Variants in PRAM1 observed in about 807,000 individuals in gnomAD.
PRAM1 encodes the protein PML-RARA-regulated adapter molecule 1.
In PRAM1, 41 loss-of-function variants were observed where a neutral mutation model predicts 55.3. The observed-to-expected ratio is 0.74, with a 90% CI of 0.58 to 0.96. The LOEUF is 0.96. PRAM1 is among the 40% of genes least tolerant of loss of function. PRAM1 has a pLI of 0.00. For missense variants in PRAM1, 898 were observed against 892.7 expected (o/e 1.01, Z -0.08); for synonymous variants, 401 against 387.1 (o/e 1.04, Z -0.42).
Position 8,490,406 on chromosome 19 carries a change from C to A in PRAM1, c.1941-34G>T, listed in dbSNP as rs779868887. 8 of 1,613,704 alleles carry A rather than the reference C, an allele frequency of 5.0e-6. No homozygotes were observed. Among genetic ancestry groups the A allele is most frequent in the Non-Finnish European group, 6.8e-6 (8 of 1,179,838 alleles). The stretch of plus-strand genomic sequence containing the variant: ...GCACAGTTGGGTCAGCAAGGGGCAC[C>A]GTGGCCCATTCCCCCCACCCTGCAC... On this transcript the variant is annotated intron_variant, in intron 8 of 9. Coordinates refer to ENST00000423345, the MANE Select transcript of PRAM1 (RefSeq NM_032152.5). The surrounding 1 kb of genome is among the most constrained non-coding windows in gnomAD (Gnocchi z 7.3).
intron 4 of PRAM1, among the ~76,000 whole-genome samples, chr19:8,495,550 A>T (rs1335466317): frequency 6.6e-6 from 1 of 152,124 alleles, no homozygotes; most frequent in African/African-American, 2.4e-5. Flanking sequence ...AGCCTTGTGC[A>T]TCTGTAAAAT....
chr19:8,491,175 TCCGA>T lies in PRAM1; in HGVS notation c.1577-22_1577-19del. 6.2e-7 allele frequency: 1 copy of T among 1,607,100 alleles called. No homozygotes were observed. Among genetic ancestry groups the T allele is most frequent in the Non-Finnish European group, 8.5e-7 (1 of 1,178,660 alleles). ...CGCTTCATCTGGGGACAGTCAGGAC[TCCGA>T]GTCAAGGCAGGGCCCGCCGGCTCAG... On this transcript the variant is annotated intron_variant, in intron 4 of 9. Transcript: ENST00000423345.
Position 8,499,394 on chromosome 19 carries a change from C to T in PRAM1, c.414G>A (p.Pro138=). 1.9e-6 allele frequency: 3 copies of T among 1,612,742 alleles called. No individual in the cohort carries two copies. The highest frequency in any genetic ancestry group is 2.5e-6 in the Non-Finnish European group (3 of 1,179,804). Reference sequence around the variant, plus strand: ...CAGGCTGCAGGGGCTTCCTTGGAAACGGAGTGGCCCCCAGCTGTGGGAACT... The same window carrying T: ...CAGGCTGCAGGGGCTTCCTTGGAAATGGAGTGGCCCCCAGCTGTGGGAACT... ...SKKFPQLGAT[P]FPRKPLQPEV... The change falls in exon 2 of 10, where the codon CCG becomes CCA. Residue 138 remains proline (P), a synonymous_variant. Coordinates refer to ENST00000423345, the MANE Select transcript of PRAM1 (RefSeq NM_032152.5).
rs555641768 is a variant in PRAM1 at position 8,497,900 on chromosome 19, C to T, written c.1500-60G>A. The T allele has an allele frequency of 5.3e-4, 428 of 800,268 alleles. 3 individuals carry two copies. The highest frequency in any genetic ancestry group is 6.6e-4 in the Non-Finnish European group (400 of 603,244). The allele number at this position is 800,268 out of a possible 1,614,324, so 49.6% of individuals were successfully genotyped here. On this transcript the variant is annotated intron_variant, in intron 3 of 9. Coordinates refer to ENST00000423345, the MANE Select transcript of PRAM1 (RefSeq NM_032152.5). Reference sequence around the variant, plus strand: ...TTTTTTTTTTTTTTTTTTTTTGAGACGGAGTTTTTCTCTGTTGCCCAGGCT... The same window carrying T: ...TTTTTTTTTTTTTTTTTTTTTGAGATGGAGTTTTTCTCTGTTGCCCAGGCT...
rs1212372938 is a variant in PRAM1 at position 8,493,693 on chromosome 19, A to C, written c.1577-2536T>G. Among the ~76,000 whole-genome samples, 1 of 152,224 alleles carries C rather than the reference A, an allele frequency of 6.6e-6. No individual in the cohort carries two copies. The highest frequency in any genetic ancestry group is 2.4e-5 in the African/African-American group (1 of 41,458). ...CAGACAGTGGGAAAGGGGAGTCCAGAGTCCTGGCCCCAAGAGACCTAAGCT... is the reference window on the plus strand; with the variant it reads ...CAGACAGTGGGAAAGGGGAGTCCAGCGTCCTGGCCCCAAGAGACCTAAGCT... On this transcript the variant is annotated intron_variant, in intron 4 of 9. Coordinates refer to ENST00000423345, the MANE Select transcript of PRAM1 (RefSeq NM_032152.5). The surrounding 1 kb of genome is among the most constrained non-coding windows in gnomAD (Gnocchi z 4.1).
At position 8,497,789 on chromosome 19, in the gene PRAM1, G is replaced by A; in HGVS notation, c.1551C>T (p.Asp517=). The change falls in exon 4 of 10, where the codon GAC becomes GAT. Residue 517 remains aspartate, a synonymous_variant. Transcript: ENST00000423345. Reference sequence around the variant, plus strand: ...CTCTGCCCTTGGGGCTGGGGCTGGAGTCATCTCTGGGTTCCACATCGTCAT... The same window carrying A: ...CTCTGCCCTTGGGGCTGGGGCTGGAATCATCTCTGGGTTCCACATCGTCAT... ...ELYDDVEPRD[D]SSPSPKGRDE... is the part of the protein sequence containing the mutation. 1 of 1,611,206 alleles carries A rather than the reference G, an allele frequency of 6.2e-7. No homozygotes were observed. Among genetic ancestry groups the A allele is most frequent in the Admixed American group, 1.7e-5 (1 of 59,494 alleles).
rs1415161565 is a variant in PRAM1 at position 8,498,839 on chromosome 19, C to A, written c.969G>T (p.Gln323His). ...TCCTGGGGAGGCCGCCCAGCTCGGG[C>A]TGCGGGGGCTTCTTGGAGAGCGCTT... ...EFKALSKKPP[Q>H]PELGGLPRTS... The change falls in exon 2 of 10, where the codon CAG becomes CAT. Residue 323 changes from glutamine to histidine, a missense_variant. Physicochemically the swap from Gln to His is conservative, Grantham distance 24 (BLOSUM62 0). Around this residue, in one of 4 missense-constraint regions of PRAM1, gnomAD observed 787 missense variants for 735.4 expected, o/e 1.07. Coordinates refer to ENST00000423345, the MANE Select transcript of PRAM1 (RefSeq NM_032152.5). The A allele has an allele frequency of 6.2e-7, 1 of 1,603,146 alleles. No homozygotes were observed. Among genetic ancestry groups the A allele is most frequent in the Admixed American group, 1.7e-5 (1 of 57,802 alleles).
chr19:8,495,585 G>A (rs1254010468), intron 4 of PRAM1, among the ~76,000 whole-genome samples: 1 of 152,212 alleles, frequency 6.6e-6, no homozygotes, highest in Admixed American at 6.5e-5. Context: ...TTACTGCCCT[G>A]TGGGGATTTG....
intron 4 of PRAM1, 25 bp downstream of exon 4, chr19:8,497,739 G>C: frequency 6.3e-7 from 1 of 1,579,704 alleles, no homozygotes; most frequent in Non-Finnish European, 8.6e-7. Flanking sequence ...TGTTTTGCAG[G>C]GACTCGGGCA....
chr19:8,490,185 G>T lies in PRAM1; in HGVS notation c.*4C>A. On this transcript the variant is annotated 3_prime_UTR_variant, in exon 10 of 10. Coordinates refer to ENST00000423345, the MANE Select transcript of PRAM1 (RefSeq NM_032152.5). This position sits in a 1 kb window ranked among gnomAD's most constrained non-coding sequence, Gnocchi z 7.3. ...TGGCTGTCCTGGCCCCACGCCTACCGGTCTTACCGTCCCAGGGGGAGTGGT... is the reference window on the plus strand; with the variant it reads ...TGGCTGTCCTGGCCCCACGCCTACCTGTCTTACCGTCCCAGGGGGAGTGGT... The T allele has an allele frequency of 6.4e-7, 1 of 1,574,102 alleles. No homozygotes were observed. The highest frequency in any genetic ancestry group is 1.2e-5 in the South Asian group (1 of 83,960).
At chr19:8,492,828 C>G (rs1439210100) in intron 4 of PRAM1, among the ~76,000 whole-genome samples, 1 of 151,914 alleles carries the variant, frequency 6.6e-6, no homozygotes, top group African/African-American at 2.4e-5. Flanking sequence ...GAAACCCTGT[C>G]TCTACTAAAA....
Position 8,498,314 on chromosome 19 carries a change from G to A in PRAM1, c.1433-25C>T, listed in dbSNP as rs761951647. 3.7e-6 allele frequency: 6 copies of A among 1,606,906 alleles called. No individual in the cohort carries two copies. The African/African-American group carries it at 6.7e-5, about 18-fold the overall frequency. The stretch of plus-strand genomic sequence containing the variant: ...TCTGTGGGGTAGAGAGTAGGGCAGG[G>A]AAGCCGGCACTGCCTGGGACCTCAG... On this transcript the variant is annotated intron_variant, in intron 2 of 9. Coordinates refer to ENST00000423345, the MANE Select transcript of PRAM1 (RefSeq NM_032152.5).
At position 8,499,107 on chromosome 19, in the gene PRAM1, C is replaced by T. The variant is rs752084200; in HGVS notation, c.701G>A (p.Gly234Asp). ...YPKKPPQPQVGGLPKKSVPQP... is the reference protein window; with the variant it reads ...YPKKPPQPQVDGLPKKSVPQP... ...CGGCACGGACTTCTTAGGGAGGCCACCGACCTGAGGCTGCGGAGGCTTTTT... is the reference window on the plus strand; with the variant it reads ...CGGCACGGACTTCTTAGGGAGGCCATCGACCTGAGGCTGCGGAGGCTTTTT... The change falls in exon 2 of 10, where the codon GGT becomes GAT. Residue 234 changes from glycine (G) to aspartate (D), a missense_variant. This residue lies in a region of PRAM1 where 787 missense variants were observed against 735.4 expected (regional missense o/e 1.07). Coordinates refer to ENST00000423345, the MANE Select transcript of PRAM1 (RefSeq NM_032152.5). 14 of 1,613,312 alleles carry T rather than the reference C, an allele frequency of 8.7e-6. No homozygotes were observed. The highest frequency in any genetic ancestry group is 1.7e-5 in the Admixed American group (1 of 59,940).
Position 8,490,792 on chromosome 19 carries a change from GCC to G in PRAM1, c.1744-38_1744-37del. ...AGATGTTAGGGCCTCTGCTTGTGCT[GCC>G]GCCCTTGGGCCCCTGTCTTCTTTCT... On this transcript the variant is annotated intron_variant, in intron 6 of 9. Transcript: ENST00000423345. The surrounding 1 kb of genome is among the most constrained non-coding windows in gnomAD (Gnocchi z 7.3). 1 of 1,606,342 alleles carries G rather than the reference GCC, an allele frequency of 6.2e-7. No individual in the cohort carries two copies. Among genetic ancestry groups the G allele is most frequent in the Non-Finnish European group, 8.5e-7 (1 of 1,178,796 alleles).
At chr19:8,491,018 T>C (rs1462141518) in intron 5 of PRAM1, 23 bp from the exon 6 acceptor site, 1 of 1,612,962 alleles carries the variant, frequency 6.2e-7, no homozygotes, top group Non-Finnish European at 8.5e-7. Flanking sequence ...ACCAAGGAAT[T>C]GTGTGCTCGT....
At position 8,499,438 on chromosome 19, in the gene PRAM1, A is replaced by G. The variant is rs770419761; in HGVS notation, c.370T>C (p.Leu124=). Residue 124 remains leucine, a synonymous_variant, in exon 2 of 10, where the codon TTG becomes CTG. Transcript: ENST00000423345. The part of the protein sequence containing the change: ...DLPKKPSKLE[L]SDLSKKFPQL... ...GGGAACTTCTTGGAGAGGTCACTCA[A>G]CTCCAGTTTGGACGGCTTCTTGGGG... 6.3e-7 allele frequency: 1 copy of G among 1,592,684 alleles called. No individual in the cohort carries two copies. Among genetic ancestry groups the G allele is most frequent in the South Asian group, 1.1e-5 (1 of 90,502 alleles).
Position 8,498,934 on chromosome 19 carries a change from C to T in PRAM1, c.874G>A (p.Asp292Asn). ...PKKPPQPELG[D>N]LTRTSSEPEV... ...GGCTCTGAGGAGGTCCTGGTGAGGT[C>T]CCCAAGCTCAGGCTGCGGAGGCTTC... Residue 292 changes from aspartate (D) to asparagine (N), a missense_variant, in exon 2 of 10, where the codon GAC (aspartate) becomes AAC (asparagine). Physicochemically the swap from Asp to Asn is conservative, Grantham distance 23. Coordinates refer to ENST00000423345, the MANE Select transcript of PRAM1 (RefSeq NM_032152.5). 1 of 1,613,780 alleles carries T rather than the reference C, an allele frequency of 6.2e-7. No individual in the cohort carries two copies.
chr19:8,494,635 T>C (rs1331094016), intron 4 of PRAM1, among the ~76,000 whole-genome samples: 2 of 95,172 alleles, frequency 2.1e-5, no homozygotes, highest in South Asian at 4.2e-4. Context: ...TATTTTTTTT[T>C]CTTTTTTTTT....
intron 4 of PRAM1, chr19:8,491,474 C>A (rs1971628659): frequency 6.5e-6 from 3 of 461,918 alleles, no homozygotes; most frequent in African/African-American, 6.0e-5. Flanking sequence ...CTCAGGCAAT[C>A]CACTCGCCTC....
Sources: allele counts gnomAD v4.1 joint callset (sites outside exome capture counted in the v4.1 genomes callset), GRCh38; gene constraint gnomAD v4.1.1; regional missense constraint gnomAD v4.1.1; non-coding constraint Gnocchi (gnomAD v3.1); transcripts MANE v1.5; gene names NCBI Gene and HGNC (gene_info 2026-07-23, HGNC 2026-07-21).